The following TCF20 variants were observed in gnomAD, a reference collection of about 807,000 sequenced individuals.
TCF20 encodes transcription factor 20, also known as SPRE-binding protein.
A neutral mutation model predicts 148.6 loss-of-function variants in TCF20; 3 were observed. The ratio of observed to expected loss-of-function variants is 0.02; its 90% CI spans 0.01 to 0.05. The LOEUF is 0.05. Ranked by LOEUF, TCF20 falls within the 10% of genes least tolerant of loss-of-function variation. The pLI, the probability that TCF20 is intolerant of heterozygous loss-of-function variation, is 1.00. For missense variants in TCF20, 2,350 were observed against 2,429.3 expected (o/e 0.97, Z 0.69); for synonymous variants, 1,049 against 909.5 (o/e 1.15, Z -2.76).
Position 42,168,590 on chromosome 22 carries a change from C to T in TCF20, c.*44+19G>A. ...TGGGAGCCGGGCAGGATGCAGGGAG[C>T]CCGGTGGCCCCGACTCACCTGTGCT... On this transcript the variant is annotated intron_variant, in intron 5 of 5. Coordinates refer to ENST00000677622, the MANE Select transcript of TCF20 (RefSeq NM_001378418.1). 6.5e-7 allele frequency: 1 copy of T among 1,546,410 alleles called. No individual in the cohort carries two copies. The highest frequency in any genetic ancestry group is 8.7e-7 in the Non-Finnish European group (1 of 1,148,832).
rs1483366690 is a variant in TCF20, at chr22:42,212,289, G to C, written c.3017C>G (p.Pro1006Arg). 1 of 1,614,198 alleles carries C rather than the reference G, an allele frequency of 6.2e-7. No homozygotes were observed. The highest frequency in any genetic ancestry group is 8.5e-7 in the Non-Finnish European group (1 of 1,180,028). ...GGREGMRGRS[P>R]SQYHDFAEKL... is the part of the protein sequence containing the mutation. ...TTCTGCAAAGTCATGATATTGAGAA[G>C]GGGACCGACCCCTCATGCCCTCCCG... Residue 1006 changes from proline to arginine, a missense_variant, in exon 2 of 6, where the codon CCT becomes CGT. Pro to Arg is a moderately radical substitution (Grantham distance 103). Around this residue, in one of 7 missense-constraint regions of TCF20, gnomAD observed 1,641 missense variants for 1,662.6 expected, o/e 0.99. Transcript: ENST00000677622.
intron 1 of TCF20, among the ~76,000 whole-genome samples, chr22:42,237,639 T>C (rs543580741): frequency 6.6e-6 from 1 of 152,246 alleles, no homozygotes; most frequent in Non-Finnish European, 1.5e-5. Context: ...TAGAGCCTTA[T>C]GAAACATATT....
At chr22:42,209,293 A>G (rs898085668) in intron 2 of TCF20, among the ~76,000 whole-genome samples, 10 of 152,226 alleles carry the variant, frequency 6.6e-5, no homozygotes, top group African/African-American at 1.9e-4. Flanking sequence ...AGAACATTCA[A>G]TAGAGGAGAG....
intron 5 of TCF20, among the ~76,000 whole-genome samples, chr22:42,164,014 CA>C (rs1160074451): frequency 6.6e-6 from 1 of 152,072 alleles, no homozygotes; most frequent in Non-Finnish European, 1.5e-5. Flanking sequence ...CCAACTGCAG[CA>C]AAAACTCATC....
chr22:42,171,783 T>C (rs1019953027), intron 3 of TCF20, among the ~76,000 whole-genome samples: 1 of 152,154 alleles, frequency 6.6e-6, no homozygotes, highest in African/African-American at 2.4e-5. Context: ...GCTGGCTTAG[T>C]CTCTAGTTTG....
Position 42,290,858 on chromosome 22 carries a change from A to G in TCF20, c.-37+52621T>C, listed in dbSNP as rs1469600871. Among the ~76,000 whole-genome samples, 1 of 152,204 alleles carries G rather than the reference A, an allele frequency of 6.6e-6. No individual in the cohort carries two copies. The highest frequency in any genetic ancestry group is 2.4e-5 in the African/African-American group (1 of 41,460). ...CCCATCCTGGTCCACTGAAGACCCT[A>G]GAACAGTGCTGGGAGGACTCACATC... On this transcript the variant is annotated intron_variant, in intron 1 of 1. Coordinates refer to the TCF20 transcript ENST00000515426. This position sits in a 1 kb window ranked among gnomAD's most constrained non-coding sequence, Gnocchi z 4.2.
Position 42,210,325 on chromosome 22 carries a change from C to A in TCF20, c.4981G>T (p.Val1661Leu). Residue 1661 changes from valine (V) to leucine (L), a missense_variant, in exon 2 of 6, where the codon GTG becomes TTG. Transcript: ENST00000677622. This position sits in a 1 kb window ranked among gnomAD's most constrained non-coding sequence, Gnocchi z 4.7. Reference sequence around the variant, plus strand: ...GACCTCTGACCCTTCCTGCCCCTCACTAATTTGGTCTGTTCTTCTTCCTCA... The same window carrying A: ...GACCTCTGACCCTTCCTGCCCCTCAATAATTTGGTCTGTTCTTCTTCCTCA... ...NAEEEEQTKL[V>L]RGRKGQRSLT... 6.2e-7 allele frequency: 1 copy of A among 1,614,212 alleles called. No individual in the cohort carries two copies. Among genetic ancestry groups the A allele is most frequent in the Non-Finnish European group, 8.5e-7 (1 of 1,180,042 alleles).
At chr22:42,309,843 G>A (rs1027288656) in intron 1 of TCF20, among the ~76,000 whole-genome samples, 2 of 152,208 alleles carry the variant, frequency 1.3e-5, no homozygotes, top group African/African-American at 4.8e-5. Flanking sequence ...GTGTTGTGGT[G>A]AGGATGAAGT....
At chr22:42,271,210 G>C (rs543820168), upstream of TCF20, among the ~76,000 whole-genome samples, 161 of 152,376 alleles carry the variant, frequency 1.1e-3, no homozygotes, top group Non-Finnish European at 1.8e-3. Context: ...CCGCCCATGG[G>C]TTCCAGGTGT....
At chr22:42,309,370 G>C (rs1240207849) in intron 1 of TCF20, among the ~76,000 whole-genome samples, 1 of 152,060 alleles carries the variant, frequency 6.6e-6, no homozygotes, top group Non-Finnish European at 1.5e-5. Flanking sequence ...CCTGTGAACT[G>C]CCACATGCCA....
At chr22:42,191,453 T>A (rs140849124) in intron 2 of TCF20, among the ~76,000 whole-genome samples, 2 of 152,242 alleles carry the variant, frequency 1.3e-5, no homozygotes, top group African/African-American at 2.4e-5. Flanking sequence ...CACGTCCAGC[T>A]AACTTTTGTA....
Position 42,209,801 on chromosome 22 carries a change from G to T in TCF20, c.5505C>A (p.Gly1835=). 6.2e-7 allele frequency: 1 copy of T among 1,614,198 alleles called. No individual in the cohort carries two copies. The change falls in exon 2 of 6, where the codon GGC becomes GGA. Residue 1835 remains glycine (G), a synonymous_variant. Coordinates refer to ENST00000677622, the MANE Select transcript of TCF20 (RefSeq NM_001378418.1). ...CAGGGATTTGTAACTCCAGCTCAGG[G>T]CCACCTTCTGAAGTGGTGGGCACGG... ...KPSVPTTSEG[G]PELELQIPEL...
intron 1 of TCF20, among the ~76,000 whole-genome samples, chr22:42,225,767 G>C (rs567117116): frequency 5.6e-4 from 86 of 152,282 alleles, no homozygotes; most frequent in African/African-American, 2.0e-3. Flanking sequence ...AAGCAGGAGG[G>C]AAGGGAGGAG....
rs1300601222 is a variant in TCF20, at chr22:42,215,198, C to T, written c.108G>A (p.Gln36=). ...CTGTACCTCCAAAATTCTGGAACAT[C>T]TGGGCCTGACGAGGGCTGAACTCTT... ...RLEEFSPRQA[Q]MFQNFGGTGG... is the part of the protein sequence containing the mutation. The change falls in exon 2 of 6, where the codon CAG becomes CAA. Residue 36 remains glutamine, a synonymous_variant. Coordinates refer to ENST00000677622, the MANE Select transcript of TCF20 (RefSeq NM_001378418.1). The T allele has an allele frequency of 1.2e-6, 2 of 1,614,200 alleles. No homozygotes were observed. The highest frequency in any genetic ancestry group is 1.1e-5 in the South Asian group (1 of 91,078).
intron 1 of TCF20, among the ~76,000 whole-genome samples, chr22:42,242,227 A>AAAAAAAAAAAAAGAAAAAAAAT (rs1491280192): frequency 8.1e-6 from 1 of 122,704 alleles, no homozygotes; most frequent in African/African-American, 3.2e-5. Flanking sequence ...AAAAAAAAAA[A>AAAAAAAAAAAAAGAAAAAAAAT]CAGAAAAGAA....
In TCF20 at chr22:42,212,724, G is replaced by C. The variant is rs1921127966; in HGVS notation, c.2582C>G (p.Ser861Cys). The C allele has an allele frequency of 6.2e-7, 1 of 1,614,086 alleles. No homozygotes were observed. The part of the protein sequence containing the change: ...SSAHEPGGSL[S>C]ERRSVICDIS... ...ATCACAGATCACTGATCTTCTTTCAGAGAGGGAACCCCCAGGCTCATGTGC... is the reference window on the plus strand; with the variant it reads ...ATCACAGATCACTGATCTTCTTTCACAGAGGGAACCCCCAGGCTCATGTGC... The change falls in exon 2 of 6, where the codon TCT becomes TGT. Residue 861 changes from serine (S) to cysteine (C), a missense_variant. This residue lies in a region of TCF20 where 1,641 missense variants were observed against 1,662.6 expected (regional missense o/e 0.99). Coordinates refer to ENST00000677622, the MANE Select transcript of TCF20 (RefSeq NM_001378418.1).
intron 1 of TCF20, among the ~76,000 whole-genome samples, chr22:42,243,047 G>A (rs77809704): frequency 6.6e-6 from 1 of 151,938 alleles, no homozygotes; most frequent in African/African-American, 2.4e-5. Context: ...CAAGGGAAGA[G>A]GGGGAAGGAT....
At chr22:42,174,589 T>C (rs28407360) in intron 3 of TCF20, among the ~76,000 whole-genome samples, 2,323 of 152,234 alleles carry the variant, frequency 0.015, 29 homozygotes, top group Non-Finnish European at 0.021. Context: ...AAAAACTTAA[T>C]ACTTAAAAAT....
intron 1 of TCF20, among the ~76,000 whole-genome samples, chr22:42,233,135 T>C (rs1923583313): frequency 6.6e-6 from 1 of 152,158 alleles, no homozygotes; most frequent in Non-Finnish European, 1.5e-5. Flanking sequence ...TTGGCCAGAC[T>C]GGTCTCGGAC....
Sources: allele counts gnomAD v4.1 joint callset (sites outside exome capture counted in the v4.1 genomes callset), GRCh38; gene constraint gnomAD v4.1.1; regional missense constraint gnomAD v4.1.1; non-coding constraint Gnocchi (gnomAD v3.1); transcripts MANE v1.5; gene names NCBI Gene and HGNC (gene_info 2026-07-23, HGNC 2026-07-21).